The following GMEB1 variants were observed in gnomAD, a reference collection of about 807,000 sequenced individuals.
GMEB1 encodes glucocorticoid modulatory element-binding protein 1.
In GMEB1, 6 loss-of-function variants were observed where a neutral mutation model predicts 52.4. The ratio of observed to expected loss-of-function variants is 0.11; its 90% confidence interval spans 0.06 to 0.23. The LOEUF is 0.23. GMEB1 is among the 10% of genes least tolerant of loss of function. The pLI is 1.00. For synonymous variants in GMEB1, 255 were observed against 244.9 expected (o/e 1.04, Z -0.38); for missense variants, 486 against 685.6 (o/e 0.71, Z 3.25).
intron 1 of GMEB1, among the ~76,000 whole-genome samples, chr1:28,679,182 CCTT>C (rs1478660804): frequency 6.7e-6 from 1 of 150,198 alleles, no homozygotes; most frequent in Non-Finnish European, 1.5e-5. Flanking sequence ...CCACACCTGA[CCTT>C]TTTTTTTTTT....
chr1:28,677,824 A>C (rs1205138039), intron 1 of GMEB1, among the ~76,000 whole-genome samples: 1 of 151,978 alleles, frequency 6.6e-6, no homozygotes, highest in Non-Finnish European at 1.5e-5. Flanking sequence ...CAGTTCATTG[A>C]TTTTTATTTT....
intron 9 of GMEB1, 60 bp from the exon 10 acceptor site, chr1:28,714,013 A>G: frequency 8.0e-7 from 1 of 1,246,802 alleles, no homozygotes; most frequent in South Asian, 1.4e-5. Flanking sequence ...CCTGACTCTC[A>G]GTTTAATGCT....
intron 9 of GMEB1, among the ~76,000 whole-genome samples, chr1:28,713,018 C>T (rs929907050): frequency 6.0e-5 from 9 of 148,800 alleles, no homozygotes; most frequent in Admixed American, 1.3e-4. Context: ...ATTAGCCAGG[C>T]GCGGTGGCGG....
At chr1:28,698,343 A>C (rs1289896223) in intron 6 of GMEB1, among the ~76,000 whole-genome samples, 1 of 149,340 alleles carries the variant, frequency 6.7e-6, no homozygotes, top group African/African-American at 2.5e-5. Flanking sequence ...ATTCCACTGC[A>C]CTCTAACCTG....
chr1:28,688,027 G>A (rs1669768721), intron 2 of GMEB1, among the ~76,000 whole-genome samples: 1 of 152,168 alleles, frequency 6.6e-6, no homozygotes, highest in Non-Finnish European at 1.5e-5. Flanking sequence ...GCTCACGCCT[G>A]TAATCCCAGC....
chr1:28,708,295 G>C (rs1048016735), intron 8 of GMEB1, among the ~76,000 whole-genome samples: 2 of 151,978 alleles, frequency 1.3e-5, no homozygotes, highest in African/African-American at 4.8e-5. Context: ...CTCCCGAGTA[G>C]CTGGTACTAC....
At chr1:28,689,235 A>G (rs1438261675) in intron 2 of GMEB1, among the ~76,000 whole-genome samples, 1 of 151,964 alleles carries the variant, frequency 6.6e-6, no homozygotes, top group African/African-American at 2.4e-5. Context: ...CACGTTGGCC[A>G]GGCTGGTCTC....
At chr1:28,693,408 G>A (rs944745417) in intron 5 of GMEB1, among the ~76,000 whole-genome samples, 13 of 151,382 alleles carry the variant, frequency 8.6e-5, no homozygotes, top group Admixed American at 6.0e-4. Context: ...CAGTAGAGAC[G>A]GGGTTTCACC....
chr1:28,676,447 G>A (rs962959345), intron 1 of GMEB1, among the ~76,000 whole-genome samples: 1 of 152,156 alleles, frequency 6.6e-6, no homozygotes, highest in Non-Finnish European at 1.5e-5. Context: ...TATAAAATTG[G>A]CCAGGCGTGG....
intron 6 of GMEB1, 78 bp downstream of exon 6, chr1:28,697,162 C>CATAT (rs71586855): frequency 0.052 from 7,714 of 147,794 alleles, 505 homozygotes; most frequent in East Asian, 0.086. Context: ...CTTGTGTGTA[C>CATAT]ATATATATAT....
rs561409770 is a variant in GMEB1 at position 28,678,899 on chromosome 1, G to T, written c.-30-4684G>T. 2.4e-4 allele frequency among the ~76,000 whole-genome samples: 36 copies of T among 151,146 alleles called. No individual in the cohort carries two copies. The South Asian group carries it at 4.4e-3, about 18-fold the overall frequency. On this transcript the variant is annotated intron_variant, in intron 1 of 9. Coordinates refer to ENST00000373816, the MANE Select transcript of GMEB1 (RefSeq NM_001319674.2). ...TGGCCCTTTTCTAGTTGTTTTTTTT[G>T]TTTGTTTGTTTTGTTTTGTTTTGTT...
intron 8 of GMEB1, 50 bp downstream of exon 8, chr1:28,704,379 C>G: frequency 6.6e-7 from 1 of 1,511,736 alleles, no homozygotes; most frequent in Non-Finnish European, 9.0e-7. Flanking sequence ...ATACTCACCT[C>G]CGTAGGCAGG....
chr1:28,702,512 G>A lies in GMEB1; in HGVS notation c.673G>A (p.Ala225Thr), dbSNP rs760132652. The A allele has an allele frequency of 2.0e-5, 33 of 1,613,416 alleles. No individual in the cohort carries two copies. The highest frequency in any genetic ancestry group is 2.5e-5 in the Non-Finnish European group (29 of 1,179,502). The change falls in exon 7 of 10, where the codon GCT becomes ACT. Residue 225 changes from alanine (A) to threonine (T), a missense_variant. Around this residue, in one of 5 missense-constraint regions of GMEB1, gnomAD observed 200 missense variants for 253.5 expected, o/e 0.79. Coordinates refer to ENST00000373816, the MANE Select transcript of GMEB1 (RefSeq NM_001319674.2). Reference protein sequence around the residue: ...AGLEWNSALTAAVTMATEEGV... With the variant: ...AGLEWNSALTTAVTMATEEGV... The stretch of plus-strand genomic sequence containing the variant: ...GCTGGAATGGAACTCAGCTCTCACC[G>A]CTGCTGTCACCATGGCCACGGAGGA...
chr1:28,708,418 C>G (rs1277599967), intron 8 of GMEB1, among the ~76,000 whole-genome samples: 1 of 151,992 alleles, frequency 6.6e-6, no homozygotes, highest in Non-Finnish European at 1.5e-5. Context: ...CCCACCTCGG[C>G]CTCCCAAAGT....
chr1:28,711,745 GTGCT>G (rs1225189267), intron 9 of GMEB1, among the ~76,000 whole-genome samples: 2 of 152,172 alleles, frequency 1.3e-5, no homozygotes, highest in African/African-American at 4.8e-5. Flanking sequence ...GTGAGCCATT[GTGCT>G]CAGCCCTATT....
intron 7 of GMEB1, among the ~76,000 whole-genome samples, chr1:28,703,490 C>A (rs191482631): frequency 6.6e-6 from 1 of 151,782 alleles, no homozygotes; most frequent in Admixed American, 6.6e-5. Context: ...GGAGAAACCC[C>A]GTCTCTACTA....
chr1:28,671,086 G>A (rs953749013), intron 1 of GMEB1, among the ~76,000 whole-genome samples: 1 of 152,068 alleles, frequency 6.6e-6, no homozygotes, highest in African/African-American at 2.4e-5. Context: ...ACTTCCCTCA[G>A]TGTTTCTGCA....
At chr1:28,680,490 A>C (rs1177359028) in intron 1 of GMEB1, among the ~76,000 whole-genome samples, 2 of 152,020 alleles carry the variant, frequency 1.3e-5, no homozygotes, top group African/African-American at 4.8e-5. Context: ...TAATCCTAGC[A>C]CTTTGGGAGG....
At position 28,683,597 on chromosome 1, in the gene GMEB1, T is replaced by G; in HGVS notation, c.-16T>G. On this transcript the variant is annotated 5_prime_UTR_variant, in exon 2 of 10. Coordinates refer to ENST00000373816, the MANE Select transcript of GMEB1 (RefSeq NM_001319674.2). ...GTTCCCGACAGCAGTCCCAGCTATCTGACTTCATGTGAAAGATGGCTAATG... is the reference window on the plus strand; with the variant it reads ...GTTCCCGACAGCAGTCCCAGCTATCGGACTTCATGTGAAAGATGGCTAATG... The G allele has an allele frequency of 1.3e-6, 2 of 1,591,008 alleles. No homozygotes were observed. The highest frequency in any genetic ancestry group is 3.3e-4 in the Middle Eastern group (2 of 6,004).
Sources: allele counts gnomAD v4.1 joint callset (sites outside exome capture counted in the v4.1 genomes callset), GRCh38; gene constraint gnomAD v4.1.1; regional missense constraint gnomAD v4.1.1; transcripts MANE v1.5; gene names NCBI Gene and HGNC (gene_info 2026-07-23, HGNC 2026-07-21).